The following SPAG17 variants were observed in gnomAD, a reference collection of about 807,000 sequenced individuals.
The protein encoded by SPAG17 is sperm associated antigen 17.
Under a neutral mutation model 273.6 loss-of-function variants are expected in SPAG17, and 169 were observed. That is an observed-to-expected ratio of 0.62 (90% CI 0.55 to 0.70). The LOEUF is 0.70. SPAG17 is among the 30% of genes least tolerant of loss of function. SPAG17 has a pLI of 0.00. For missense variants in SPAG17, 2,557 were observed against 2,627.8 expected, an observed-to-expected ratio of 0.97 and a Z score of 0.59; for synonymous variants, 825 against 873.2, an observed-to-expected ratio of 0.94 and a Z score of 0.97.
intron 3 of SPAG17, chr1:118,150,318 A>G (rs1345555203): frequency 2.9e-6 from 1 of 349,726 alleles, no homozygotes; most frequent in Non-Finnish European, 5.2e-6. Flanking sequence ...CAATGATGGT[A>G]TAAACGATCT....
chr1:118,072,998 C>A (rs1481321883), intron 17 of SPAG17, among the ~76,000 whole-genome samples: 1 of 150,448 alleles, frequency 6.6e-6, no homozygotes, highest in African/African-American at 2.5e-5. Context: ...CTGAGAACTG[C>A]GGCTTGGTGG....
chr1:118,030,205 G>A (rs550108021), intron 25 of SPAG17, among the ~76,000 whole-genome samples: 31 of 152,144 alleles, frequency 2.0e-4, no homozygotes, highest in Admixed American at 4.6e-4. Flanking sequence ...GTATAACTAT[G>A]TAAATGTGGT....
At position 117,983,931 on chromosome 1, in the gene SPAG17, C is replaced by G. The variant is rs749375465; in HGVS notation, c.5770-18G>C. On this transcript the variant is annotated intron_variant, in intron 41 of 48. Transcript: ENST00000336338. ...TGATTATACTGAAAGGAAAAAAAAA[C>G]TTATTTTAGACTTATACATGGCTGA... 1.5e-6 allele frequency: 2 copies of G among 1,377,720 alleles called. No individual in the cohort carries two copies. The highest frequency in any genetic ancestry group is 1.2e-5 in the South Asian group (1 of 84,234). 85.3% of individuals were successfully genotyped at this position (1,377,720 alleles called of 1,614,324 possible).
chr1:118,183,343 T>C (rs1661033772), intron 1 of SPAG17, among the ~76,000 whole-genome samples: 1 of 152,144 alleles, frequency 6.6e-6, no homozygotes, highest in African/African-American at 2.4e-5. Flanking sequence ...GTCCGTTTCA[T>C]TGGTGGTTAG....
Position 118,064,522 on chromosome 1 carries a change from T to C in SPAG17, c.2540+2223A>G, listed in dbSNP as rs1416066245. Among the ~76,000 whole-genome samples, 3 of 139,446 alleles carry C rather than the reference T, an allele frequency of 2.2e-5. No homozygotes were observed. In the Admixed American group the frequency reaches 2.3e-4, roughly 11 times the overall value. 91.5% of individuals were successfully genotyped at this position (139,446 alleles called of 152,430 possible). ...AACACCGCATGTTCTCACTCATAGG[T>C]CGGAATTGAACAATGAGAACACATG... is the stretch of plus-strand genomic sequence containing the variant. On this transcript the variant is annotated intron_variant, in intron 18 of 48. Coordinates refer to ENST00000336338, the MANE Select transcript of SPAG17 (RefSeq NM_206996.4).
intron 3 of SPAG17, among the ~76,000 whole-genome samples, chr1:118,126,664 G>A (rs562776942): frequency 2.4e-4 from 36 of 152,058 alleles, no homozygotes; most frequent in Non-Finnish European, 2.1e-4. Flanking sequence ...TGTTTCCTTC[G>A]TTGTGCAGAA....
intron 1 of SPAG17, among the ~76,000 whole-genome samples, 165 bp from the exon 2 acceptor site, chr1:118,151,534 G>T (rs1396066289): frequency 6.6e-6 from 1 of 152,238 alleles, no homozygotes; most frequent in African/African-American, 2.4e-5. Context: ...CCGCAAGGCG[G>T]CAGTATTGTG....
chr1:118,110,524 T>A (rs1407757271), intron 4 of SPAG17, among the ~76,000 whole-genome samples: 1 of 152,180 alleles, frequency 6.6e-6, no homozygotes, highest in African/African-American at 2.4e-5. Flanking sequence ...TTAGGAATAA[T>A]CTCTGGATGT....
At chr1:118,027,772 T>C (rs570922245) in intron 26 of SPAG17, among the ~76,000 whole-genome samples, 63 of 152,364 alleles carry the variant, frequency 4.1e-4, no homozygotes, top group African/African-American at 1.5e-3. Flanking sequence ...TAAAATTATA[T>C]ATAGATACAT....
chr1:118,043,397 C>T (rs886329988), intron 20 of SPAG17, among the ~76,000 whole-genome samples: 2 of 152,138 alleles, frequency 1.3e-5, no homozygotes, highest in Non-Finnish European at 1.5e-5. Context: ...TGTGAGCCAA[C>T]TGTTAAACAT....
At chr1:118,108,586 C>G (rs1029915657) in intron 4 of SPAG17, among the ~76,000 whole-genome samples, 1 of 152,084 alleles carries the variant, frequency 6.6e-6, no homozygotes, top group African/African-American at 2.4e-5. Flanking sequence ...AGAGGGAACT[C>G]TTGTCAATTC....
At position 118,023,476 on chromosome 1, in the gene SPAG17, C is replaced by T. The variant is rs1444787474; in HGVS notation, c.3910-13G>A. On this transcript the variant is annotated splice_polypyrimidine_tract_variant and intron_variant, in intron 27 of 48. Coordinates refer to ENST00000336338, the MANE Select transcript of SPAG17 (RefSeq NM_206996.4). The stretch of plus-strand genomic sequence containing the variant: ...CTGCAAAGAGAATCTGAAGAATGAA[C>T]AAAAGTTTTCAGCATTCTCAGAAGC... The T allele has an allele frequency of 1.3e-6, 2 of 1,599,456 alleles. No individual in the cohort carries two copies. The highest frequency in any genetic ancestry group is 1.7e-6 in the Non-Finnish European group (2 of 1,172,938).
intron 43 of SPAG17, among the ~76,000 whole-genome samples, chr1:117,979,327 A>G (rs576104280): frequency 5.3e-5 from 8 of 152,254 alleles, no homozygotes; most frequent in African/African-American, 1.7e-4. Context: ...CAGCCTCACA[A>G]TCAGTTTAAC....
chr1:118,009,035 C>A (rs1357890348), intron 30 of SPAG17, among the ~76,000 whole-genome samples: 2 of 151,986 alleles, frequency 1.3e-5, no homozygotes, highest in Non-Finnish European at 2.9e-5. Context: ...GTCCCTCTCT[C>A]TATAAGCAGA....
intron 1 of SPAG17, among the ~76,000 whole-genome samples, chr1:118,170,894 A>G (rs1660387990): frequency 6.6e-6 from 1 of 152,222 alleles, no homozygotes; most frequent in Admixed American, 6.5e-5. Context: ...CAGACTAGAA[A>G]GAGCAGAAGC....
intron 3 of SPAG17, among the ~76,000 whole-genome samples, chr1:118,131,472 C>A (rs1658049034): frequency 6.6e-6 from 1 of 152,226 alleles, no homozygotes; most frequent in Non-Finnish European, 1.5e-5. Context: ...TTATTACCAT[C>A]TAACATAATA....
intron 32 of SPAG17, among the ~76,000 whole-genome samples, chr1:118,003,871 G>A (rs996732808): frequency 6.6e-6 from 1 of 152,172 alleles, no homozygotes; most frequent in African/African-American, 2.4e-5. Context: ...GTAAGGAGCT[G>A]TGATCCTTTG....
intron 40 of SPAG17, among the ~76,000 whole-genome samples, chr1:117,985,151 T>G (rs1445983134): frequency 2.0e-5 from 3 of 152,214 alleles, no homozygotes; most frequent in African/African-American, 7.2e-5. Flanking sequence ...CTGGTTTTCA[T>G]AATTTCTGTA....
chr1:118,073,948 A>G lies in SPAG17; in HGVS notation c.2291T>C (p.Val764Ala). The G allele has an allele frequency of 6.4e-7, 1 of 1,561,268 alleles. No individual in the cohort carries two copies. The highest frequency in any genetic ancestry group is 8.6e-7 in the Non-Finnish European group (1 of 1,162,410). Residue 764 changes from valine (V) to alanine (A), a missense_variant, in exon 17 of 49, where the codon GTG becomes GCG. Physicochemically the swap from Val to Ala is moderately conservative, Grantham distance 64. Transcript: ENST00000336338. The stretch of plus-strand genomic sequence containing the variant: ...CTTTATGTCCTCTAAATCTGCTTCC[A>G]CCATCATCTTCTTGGGTTTCTAAAA... ...SHEKKPKKMM[V>A]EADLEDIKKT...
Sources: gnomAD v4.1 joint callset for allele counts (sites outside exome capture counted in the v4.1 genomes callset) on GRCh38, gnomAD v4.1.1 for gene constraint, MANE v1.5 for transcripts, NCBI Gene and HGNC (gene_info 2026-07-23, HGNC 2026-07-21) for gene names.